STX7: variants seen among roughly 807,000 people sequenced by gnomAD.
STX7 encodes syntaxin 7, also known as syntaxin-7.
STX7 carries 34 observed loss-of-function variants against 39.6 expected under a neutral mutation model. That is an observed-to-expected ratio of 0.86 (90% confidence interval 0.65 to 1.14). The LOEUF is 1.14. STX7 is among the 50% of genes most tolerant of loss of function. The pLI is 0.00. For synonymous variants in STX7, 119 were observed against 99.1 expected (o/e 1.20, Z -1.19); for missense variants, 284 against 310.4 (o/e 0.92, Z 0.64).
At chr6:132,503,400 T>C (rs1423695409) in intron 2 of STX7, 46 bp downstream of exon 2, 1 of 1,516,374 alleles carries the variant, frequency 6.6e-7, no homozygotes, top group East Asian at 2.3e-5. Context: ...CCAAGTTCAG[T>C]TAAGAGTGGA....
In STX7 at chr6:132,458,091, T is replaced by A. The variant is rs1432593427; in HGVS notation, c.*2667A>T. 1 of 152,200 alleles carries A rather than the reference T, an allele frequency of 6.6e-6. No homozygotes were observed. The highest frequency in any genetic ancestry group is 1.5e-5 in the Non-Finnish European group (1 of 68,026). 9.4% of individuals were successfully genotyped at this position (152,200 alleles called of 1,614,324 possible). On this transcript the variant is annotated 3_prime_UTR_variant, in exon 10 of 10. Transcript: ENST00000367941. Reference sequence around the variant, plus strand: ...GCACTTATTTATCATTGTAGGTGTGTCTAAACAATTGATATTCAAAAACAC... The same window carrying A: ...GCACTTATTTATCATTGTAGGTGTGACTAAACAATTGATATTCAAAAACAC...
intron 5 of STX7, 79 bp downstream of exon 5, chr6:132,471,384 A>T: frequency 6.9e-7 from 1 of 1,457,338 alleles, no homozygotes; most frequent in South Asian, 1.5e-5. Context: ...TGACTTAAAA[A>T]ATTATGCTAC....
intron 4 of STX7, 41 bp downstream of exon 4, chr6:132,472,241 T>A: frequency 6.6e-7 from 1 of 1,524,258 alleles, no homozygotes; most frequent in South Asian, 1.2e-5. Flanking sequence ...TGGGTTTTTT[T>A]CACATTCAAT....
intron 1 of STX7, among the ~76,000 whole-genome samples, chr6:132,506,239 C>G (rs1469119403): frequency 6.6e-6 from 1 of 151,956 alleles, no homozygotes; most frequent in Non-Finnish European, 1.5e-5. Context: ...AGACAAAAAA[C>G]AGACAAAATG....
intron 1 of STX7, among the ~76,000 whole-genome samples, chr6:132,510,128 C>T (rs952985246): frequency 6.6e-6 from 1 of 152,178 alleles, no homozygotes. Flanking sequence ...CACCAAAATA[C>T]AGCTAGGTAG....
At chr6:132,512,606 G>C (rs1434143756) in intron 1 of STX7, among the ~76,000 whole-genome samples, 2 of 152,234 alleles carry the variant, frequency 1.3e-5, no homozygotes, top group Admixed American at 6.5e-5. Context: ...TCCGTGAGTT[G>C]AAAAGAGGAA....
chr6:132,453,059 A>C lies in STX7; in HGVS notation c.*7699T>G, dbSNP rs1200687489. The stretch of plus-strand genomic sequence containing the variant: ...GAATAGAAAACCCAGATATAGACCC[A>C]CACGAATGTGCCCAACTGATTTCTC... On this transcript the variant is annotated 3_prime_UTR_variant, in exon 10 of 10. Transcript: ENST00000367941. 3 of 152,132 alleles carry C rather than the reference A, an allele frequency of 2.0e-5. No individual in the cohort carries two copies. Among genetic ancestry groups the C allele is most frequent in the Non-Finnish European group, 4.4e-5 (3 of 67,968 alleles). 9.4% of individuals were successfully genotyped at this position (152,132 alleles called of 1,614,324 possible). A position where few individuals can be genotyped will look rare whatever the true frequency, so the allele number is the denominator to read the frequency against.
At position 132,452,059 on chromosome 6, in the gene STX7, TCAGGGATGTAA is replaced by T. The variant is rs1774146477; in HGVS notation, c.*8688_*8698del. 6.6e-6 allele frequency: 1 copy of T among 152,136 alleles called. No homozygotes were observed. Among genetic ancestry groups the T allele is most frequent in the Admixed American group, 6.5e-5 (1 of 15,270 alleles). The allele number at this position is 152,136 out of a possible 1,614,324, so 9.4% of individuals were successfully genotyped here. A position where few individuals can be genotyped will look rare whatever the true frequency, so the allele number is the denominator to read the frequency against. ...ACACCACGACCAAGTGGAGTTTATC[TCAGGGATGTAA>T]CAATGGCTCAACATTCAAAAATCAA... On this transcript the variant is annotated 3_prime_UTR_variant, in exon 10 of 10. Coordinates refer to ENST00000367941, the MANE Select transcript of STX7 (RefSeq NM_003569.3).
rs2114498871 is a variant in STX7 at position 132,513,030 on chromosome 6, A to G, written c.-82T>C. ...ACCTGGACCTCCACGGCTCCCTCCT[A>G]CACCTCCGACCGCCGTCACCCACCT... On this transcript the variant is annotated 5_prime_UTR_variant, in exon 1 of 10. Coordinates refer to ENST00000367941, the MANE Select transcript of STX7 (RefSeq NM_003569.3). 1 of 152,246 alleles carries G rather than the reference A, an allele frequency of 6.6e-6. No individual in the cohort carries two copies. Among genetic ancestry groups the G allele is most frequent in the South Asian group, 2.1e-4 (1 of 4,822 alleles). The allele number at this position is 152,246 out of a possible 1,614,324, so 9.4% of individuals were successfully genotyped here.
chr6:132,471,711 C>T, intron 4 of STX7, 111 bp from the exon 5 acceptor site: 1 of 1,187,522 alleles, frequency 8.4e-7, no homozygotes, highest in Non-Finnish European at 1.2e-6. Flanking sequence ...TCCCCAATTA[C>T]AGGGCCTTAC....
chr6:132,474,946 T>C (rs1582656684), intron 3 of STX7, among the ~76,000 whole-genome samples: 3 of 152,264 alleles, frequency 2.0e-5, no homozygotes, highest in African/African-American at 7.2e-5. Flanking sequence ...TGGTTATGTA[T>C]TGGATCTAAA....
chr6:132,471,178 T>C (rs1432217157), intron 5 of STX7, among the ~76,000 whole-genome samples: 2 of 152,214 alleles, frequency 1.3e-5, no homozygotes, highest in African/African-American at 2.4e-5. Flanking sequence ...GATGTGAGAA[T>C]ACTACTCAGG....
intron 5 of STX7, 109 bp from the exon 6 acceptor site, chr6:132,470,735 G>T: frequency 1.4e-6 from 1 of 716,280 alleles, no homozygotes. Context: ...ATTTATGTAC[G>T]TGTCTGTGTG....
intron 1 of STX7, among the ~76,000 whole-genome samples, 158 bp from the exon 2 acceptor site, chr6:132,503,746 T>TA (rs34969231): frequency 4.5e-3 from 647 of 143,306 alleles, no homozygotes; most frequent in South Asian, 0.01. Context: ...TCATGTCTAC[T>TA]AAAAAAAAAA....
chr6:132,510,520 A>G (rs1343418460), intron 1 of STX7, among the ~76,000 whole-genome samples: 2 of 152,232 alleles, frequency 1.3e-5, no homozygotes, highest in African/African-American at 2.4e-5. Context: ...GTATCACTTA[A>G]ATTACATTGT....
At chr6:132,461,194 A>G (rs1041122871) in intron 9 of STX7, among the ~76,000 whole-genome samples, 4 of 152,210 alleles carry the variant, frequency 2.6e-5, no homozygotes, top group Non-Finnish European at 5.9e-5. Flanking sequence ...GAATAAAAAT[A>G]AAGAACAGCT....
At chr6:132,474,035 T>C (rs1774807064) in intron 3 of STX7, among the ~76,000 whole-genome samples, 1 of 151,704 alleles carries the variant, frequency 6.6e-6, no homozygotes, top group Non-Finnish European at 1.5e-5. Flanking sequence ...TGAAGACCAG[T>C]GCCGGCAACA....
At chr6:132,508,297 T>C (rs535063000) in intron 1 of STX7, among the ~76,000 whole-genome samples, 131 of 152,312 alleles carry the variant, frequency 8.6e-4, no homozygotes, top group Admixed American at 4.4e-3. Context: ...CACACCAGTG[T>C]AGCCCAAGTC....
intron 3 of STX7, among the ~76,000 whole-genome samples, chr6:132,473,014 G>A (rs1774773047): frequency 6.6e-6 from 1 of 152,074 alleles, no homozygotes; most frequent in African/African-American, 2.4e-5. Flanking sequence ...CAAAAATTAG[G>A]TAGGTGTGGT....
Sources: gnomAD v4.1 joint callset for allele counts (sites outside exome capture counted in the v4.1 genomes callset) on GRCh38, gnomAD v4.1.1 for gene constraint, MANE v1.5 for transcripts, NCBI Gene and HGNC (gene_info 2026-07-23, HGNC 2026-07-21) for gene names.